The following COL11A1 variants were observed in gnomAD, a reference collection of about 807,000 sequenced individuals.
COL11A1 encodes the protein collagen alpha-1(XI) chain.
In COL11A1, 74 loss-of-function variants were observed where a neutral mutation model predicts 265.2. The observed-to-expected ratio is 0.28, with a 90% CI of 0.23 to 0.34. COL11A1 has a LOEUF of 0.34. Ranked by LOEUF, COL11A1 falls within the 10% of genes least tolerant of loss-of-function variation. The pLI, the probability that COL11A1 is intolerant of heterozygous loss-of-function variation, is 1.00. For synonymous variants in COL11A1, 816 were observed against 727.6 expected, an observed-to-expected ratio of 1.12 and a Z score of -1.96; for missense variants, 2,165 against 2,263.6, an observed-to-expected ratio of 0.96 and a Z score of 0.88.
At chr1:102,933,864 C>A (rs919713716) in intron 46 of COL11A1, among the ~76,000 whole-genome samples, 3 of 152,138 alleles carry the variant, frequency 2.0e-5, no homozygotes, top group Admixed American at 6.5e-5. Context: ...CAGGTGAGTC[C>A]GTCACCCCTT....
At chr1:103,027,442 T>TATGC (rs1557966687) in intron 5 of COL11A1, among the ~76,000 whole-genome samples, 37 of 95,558 alleles carry the variant, frequency 3.9e-4, no homozygotes, top group African/African-American at 1.2e-3. Flanking sequence ...TATATATATA[T>TATGC]ATGCATGCAT....
intron 37 of COL11A1, among the ~76,000 whole-genome samples, 182 bp from the exon 38 acceptor site, chr1:102,965,722 A>C (rs1661341431): frequency 6.6e-6 from 1 of 152,224 alleles, no homozygotes; most frequent in South Asian, 2.1e-4. Flanking sequence ...TAAAATTCAA[A>C]ACTTGCCATT....
intron 42 of COL11A1, among the ~76,000 whole-genome samples, chr1:102,946,582 TA>T (rs1301621011): frequency 2.0e-5 from 3 of 149,936 alleles, no homozygotes; most frequent in African/African-American, 7.6e-5. Context: ...TTTTTTTTTT[TA>T]AAAAAAGCAA....
chr1:103,025,710 GTATT>G, intron 6 of COL11A1, 97 bp from the exon 7 acceptor site: 1 of 1,563,250 alleles, frequency 6.4e-7, no homozygotes, highest in Non-Finnish European at 8.8e-7. Context: ...AGCCAAGTGA[GTATT>G]TATCTAGTTG....
chr1:102,967,922 T>C (rs1471314153), intron 37 of COL11A1, among the ~76,000 whole-genome samples: 1 of 152,204 alleles, frequency 6.6e-6, no homozygotes, highest in Admixed American at 6.5e-5. Context: ...AATTACAACA[T>C]AGACTTGCAC....
chr1:103,015,765 CA>C (rs1195102737), intron 11 of COL11A1, 23 bp from the exon 12 acceptor site: 1 of 1,444,068 alleles, frequency 6.9e-7, no homozygotes, highest in South Asian at 1.2e-5. Context: ...ATGAAATAAC[CA>C]AAATAAATAA....
intron 4 of COL11A1, among the ~76,000 whole-genome samples, chr1:103,064,505 C>T (rs1017893331): frequency 2.6e-5 from 4 of 151,414 alleles, no homozygotes; most frequent in African/African-American, 9.7e-5. Context: ...GTGGCTAACA[C>T]GGTGAAAACC....
intron 35 of COL11A1, among the ~76,000 whole-genome samples, chr1:102,975,275 A>AAC (rs1213904147): frequency 1.3e-5 from 2 of 151,888 alleles, no homozygotes; most frequent in Non-Finnish European, 2.9e-5. Flanking sequence ...TAAAAAAAAA[A>AAC]AAAAAAACTG....
intron 4 of COL11A1, among the ~76,000 whole-genome samples, chr1:103,068,867 A>T (rs1671353789): frequency 6.6e-6 from 1 of 151,414 alleles, no homozygotes; most frequent in Admixed American, 6.6e-5. Context: ...TAAATAAAAG[A>T]TGTCCAAGAC....
intron 50 of COL11A1, 92 bp from the exon 51 acceptor site, chr1:102,914,903 G>A: frequency 9.9e-7 from 1 of 1,007,256 alleles, no homozygotes; most frequent in Non-Finnish European, 1.5e-6. Context: ...TGGCACACTG[G>A]GCCAGAATAT....
In COL11A1 at chr1:103,108,480, A is replaced by G. The variant is rs753584964; in HGVS notation, c.-302T>C. On this transcript the variant is annotated 5_prime_UTR_variant, in exon 1 of 67. Transcript: ENST00000370096. ...GGCAGATGAGGGGCTTCCACCAACA[A>G]GCTGAGAGTACTGTGTGCCCCTAAA... 1.3e-5 allele frequency: 8 copies of G among 595,390 alleles called. No individual in the cohort carries two copies. The highest frequency in any genetic ancestry group is 2.1e-5 in the Non-Finnish European group (7 of 335,350). The allele number at this position is 595,390 out of a possible 1,614,324, so 36.9% of individuals were successfully genotyped here.
chr1:103,029,308 C>T (rs572654075), intron 5 of COL11A1, among the ~76,000 whole-genome samples: 2 of 152,054 alleles, frequency 1.3e-5, no homozygotes, highest in African/African-American at 2.4e-5. Context: ...CTCCATATTG[C>T]ACTTTATGTT....
chr1:102,898,071 C>T, intron 57 of COL11A1, 54 bp downstream of exon 57: 1 of 1,177,758 alleles, frequency 8.5e-7, no homozygotes, highest in East Asian at 2.6e-5. Flanking sequence ...AGCTAATAAA[C>T]AATTTTGTTT....
intron 5 of COL11A1, among the ~76,000 whole-genome samples, chr1:103,029,991 A>C (rs897303089): frequency 1.3e-5 from 2 of 152,068 alleles, no homozygotes; most frequent in African/African-American, 4.8e-5. Context: ...AACCTTGAAA[A>C]TATACAGTAA....
intron 4 of COL11A1, among the ~76,000 whole-genome samples, chr1:103,053,724 A>G (rs1209834499): frequency 6.6e-6 from 1 of 152,186 alleles, no homozygotes; most frequent in Admixed American, 6.5e-5. Flanking sequence ...AATATCTCCT[A>G]AAAACAAAAA....
chr1:103,065,309 A>C (rs539671754), intron 4 of COL11A1, among the ~76,000 whole-genome samples: 5 of 152,256 alleles, frequency 3.3e-5, no homozygotes. Context: ...TCACGAGGTC[A>C]GGAGACCAAG....
intron 40 of COL11A1, 48 bp downstream of exon 40, chr1:102,962,128 A>C (rs760720700): frequency 2.0e-6 from 3 of 1,467,914 alleles, no homozygotes; most frequent in Non-Finnish European, 2.9e-6. Flanking sequence ...AATGCTTCTA[A>C]TAAACAATTG....
At chr1:103,071,813 C>T (rs1002501660) in intron 4 of COL11A1, among the ~76,000 whole-genome samples, 1 of 96,576 alleles carries the variant, frequency 1.0e-5, no homozygotes, top group Admixed American at 1.3e-4. Flanking sequence ...TGTAAAACTA[C>T]ACATTAATGG....
intron 41 of COL11A1, among the ~76,000 whole-genome samples, chr1:102,954,604 G>C (rs563578330): frequency 1.6e-4 from 24 of 152,164 alleles, no homozygotes; most frequent in Non-Finnish European, 2.8e-4. Flanking sequence ...CAACACTTTG[G>C]GAGGCCGAAG....
Sources: allele counts gnomAD v4.1 joint callset (sites outside exome capture counted in the v4.1 genomes callset), GRCh38; gene constraint gnomAD v4.1.1; transcripts MANE v1.5; gene names NCBI Gene and HGNC (gene_info 2026-07-23, HGNC 2026-07-21).